H2AC17: variants seen among roughly 807,000 people sequenced by gnomAD.
The protein encoded by H2AC17 is H2A clustered histone 17, also known as histone H2A type 1.
H2AC17 carries 10 observed loss-of-function variants against 6.3 expected under a neutral mutation model. The observed-to-expected ratio is 1.58, with a 90% confidence interval of 0.97 to 2.68. The LOEUF (loss-of-function observed/expected upper bound fraction) is 2.68. Among genes scored for constraint, H2AC17 ranks in the 30% most tolerant of loss-of-function variants. H2AC17 has a pLI of 0.00. For synonymous variants in H2AC17, 138 were observed against 78.3 expected, an observed-to-expected ratio of 1.76 and a Z score of -4.02; for missense variants, 207 against 176.0, an observed-to-expected ratio of 1.18 and a Z score of -1.00.
Position 27,893,168 on chromosome 6 carries a change from C to G in H2AC17, c.-19G>C. ...CAGACATGGTAAAACGACCTGTGGC[C>G]TAAGTCAGAAAGTGAGTGAAAGGAA... is the stretch of plus-strand genomic sequence containing the variant. On this transcript the variant is annotated 5_prime_UTR_variant, in exon 1 of 1. Transcript: ENST00000359611. 2 of 1,559,334 alleles carry G rather than the reference C, an allele frequency of 1.3e-6. No homozygotes were observed. Among genetic ancestry groups the G allele is most frequent in the Non-Finnish European group, 1.7e-6 (2 of 1,156,306 alleles).
Position 27,893,179 on chromosome 6 carries a change from A to G in H2AC17, c.-30T>C. 1 of 1,543,774 alleles carries G rather than the reference A, an allele frequency of 6.5e-7. No individual in the cohort carries two copies. Among genetic ancestry groups the G allele is most frequent in the Non-Finnish European group, 8.7e-7 (1 of 1,149,534 alleles). On this transcript the variant is annotated 5_prime_UTR_variant, in exon 1 of 1. Coordinates refer to ENST00000359611, the MANE Select transcript of H2AC17 (RefSeq NM_003514.2). ...AAACGACCTGTGGCCTAAGTCAGAA[A>G]GTGAGTGAAAGGAACCTACAGGGAC...
chr6:27,892,763 G>A lies in H2AC17; in HGVS notation c.387C>T (p.Gly129=). The change falls in exon 1 of 1, where the codon GGC becomes GGT. Residue 129 remains glycine (G), a synonymous_variant. Coordinates refer to ENST00000359611, the MANE Select transcript of H2AC17 (RefSeq NM_003514.2). The part of the protein sequence containing the change: ...KKTESHHKAK[G]K ...CATTTTTAAAGTTCAGCCCTTACTT[G>A]CCCTTAGCTTTGTGGTGGCTCTCAG... The A allele has an allele frequency of 6.2e-7, 1 of 1,613,860 alleles. No individual in the cohort carries two copies. Among genetic ancestry groups the A allele is most frequent in the Non-Finnish European group, 8.5e-7 (1 of 1,180,036 alleles).
In H2AC17 at chr6:27,892,846, T is replaced by C; in HGVS notation, c.304A>G (p.Thr102Ala). The change falls in exon 1 of 1, where the codon ACC (threonine) becomes GCC (alanine). Residue 102 changes from threonine to alanine, a missense_variant. Thr to Ala is a moderately conservative substitution (Grantham distance 58). This residue lies in a region of H2AC17 where 53 missense variants were observed against 47.3 expected (regional missense o/e 1.12). Transcript: ENST00000359611. Reference protein sequence around the residue: ...EELNKLLGKVTIAQGGVLPNI... With the variant: ...EELNKLLGKVAIAQGGVLPNI... ...GGCAGAACACCGCCCTGAGCGATGG[T>C]AACTTTACCAAGCAGCTTGTTGAGC... 1.2e-6 allele frequency: 2 copies of C among 1,614,216 alleles called. No individual in the cohort carries two copies. Among genetic ancestry groups the C allele is most frequent in the Admixed American group, 1.7e-5 (1 of 60,020 alleles).
chr6:27,893,080 G>T lies in H2AC17; in HGVS notation c.70C>A (p.Leu24Ile). 6.2e-7 allele frequency: 1 copy of T among 1,613,816 alleles called. No homozygotes were observed. Among genetic ancestry groups the T allele is most frequent in the Non-Finnish European group, 8.5e-7 (1 of 1,179,808 alleles). ...TGCACTCGTCCTACAGGAAATTGGA[G>T]CCCAGCTCTAGAGGAGCGGGTTTTG... ...KAKTRSSRAGLQFPVGRVHRL... is the reference protein window; with the variant it reads ...KAKTRSSRAGIQFPVGRVHRL... Residue 24 changes from leucine to isoleucine, a missense_variant, in exon 1 of 1, where the codon CTC becomes ATC. By Grantham distance (5) the Leu-to-Ile change is conservative. This residue lies in a region of H2AC17 where 148 missense variants were observed against 106.0 expected (regional missense o/e 1.40). Transcript: ENST00000359611.
Position 27,892,964 on chromosome 6 carries a change from C to T in H2AC17, c.186G>A (p.Glu62=), listed in dbSNP as rs146088462. The change falls in exon 1 of 1, where the codon GAG becomes GAA. Residue 62 remains glutamate (E), a synonymous_variant. Transcript: ENST00000359611. ...LAAVLEYLTA[E]ILELAGNAAR... ...CTGCGTTGCCCGCCAGCTCCAGGAT[C>T]TCGGCAGTTAGGTACTCCAGCACCG... The T allele has an allele frequency of 1.2e-5, 20 of 1,614,104 alleles. No individual in the cohort carries two copies. Among genetic ancestry groups the T allele is most frequent in the Non-Finnish European group, 1.4e-5 (17 of 1,180,054 alleles).
chr6:27,893,137 C>A lies in H2AC17; in HGVS notation c.13G>T (p.Gly5Cys), dbSNP rs757532231. Residue 5 changes from glycine to cysteine, a missense_variant, in exon 1 of 1, where the codon GGC becomes TGC. By Grantham distance (159) the Gly-to-Cys change is radical. Transcript: ENST00000359611. MSGR[G>C]KQGGKARAKA... ...GCGCGAGCCTTGCCGCCCTGCTTGC[C>A]ACGTCCAGACATGGTAAAACGACCT... The A allele has an allele frequency of 6.3e-7, 1 of 1,591,600 alleles. No homozygotes were observed. The highest frequency in any genetic ancestry group is 8.6e-7 in the Non-Finnish European group (1 of 1,169,516).
At position 27,892,922 on chromosome 6, in the gene H2AC17, CTT is replaced by C. The variant is rs774888372; in HGVS notation, c.226_227del (p.Lys76AspfsTer24). ...LAGNAARDNK[K>X]TRIIPRHLQL... Reference sequence around the variant, plus strand: ...GCAAGTGGCGCGGGATGATGCGGGTCTTTTTGTTGTCGCGGGCTGCGTTGCCC... The same window carrying C: ...GCAAGTGGCGCGGGATGATGCGGGTCTTTGTTGTCGCGGGCTGCGTTGCCC... On this transcript the variant is annotated frameshift_variant, in exon 1 of 1. Transcript: ENST00000359611. LOFTEE classifies it high-confidence loss of function. 6.2e-6 allele frequency: 10 copies of C among 1,614,074 alleles called. No individual in the cohort carries two copies.
In H2AC17 at chr6:27,892,981, C is replaced by A; in HGVS notation, c.169G>T (p.Glu57Ter). The A allele has an allele frequency of 1.9e-6, 3 of 1,614,186 alleles. No homozygotes were observed. The highest frequency in any genetic ancestry group is 2.5e-6 in the Non-Finnish European group (3 of 1,180,032). Residue 57 changes from glutamate to a stop codon, truncating the protein, a stop_gained, in exon 1 of 1, where the codon GAG becomes TAG. Transcript: ENST00000359611. LOFTEE classifies it high-confidence loss of function. ...TCCAGGATCTCGGCAGTTAGGTACT[C>A]CAGCACCGCCGCCAGGTAAACCGGC... is the stretch of plus-strand genomic sequence containing the variant. ...GAPVYLAAVL[E>*]YLTAEILELA...
In H2AC17 at chr6:27,892,706, C is replaced by T. The variant is rs779944892; in HGVS notation, c.*51G>A. On this transcript the variant is annotated 3_prime_UTR_variant, in exon 1 of 1. Transcript: ENST00000359611. ...GTTCTTCCGTAGAAATGGTGGGTGGCTCTGAAAAGAGCCTTTTGTCTTGTA... is the reference window on the plus strand; with the variant it reads ...GTTCTTCCGTAGAAATGGTGGGTGGTTCTGAAAAGAGCCTTTTGTCTTGTA... 30 of 1,600,372 alleles carry T rather than the reference C, an allele frequency of 1.9e-5. No homozygotes were observed. The highest frequency in any genetic ancestry group is 1.8e-5 in the Non-Finnish European group (21 of 1,174,228).
In H2AC17 at chr6:27,893,091, G is replaced by C. The variant is rs150057789; in HGVS notation, c.59C>G (p.Ser20Cys). 184 of 1,612,918 alleles carry C rather than the reference G, an allele frequency of 1.1e-4. No individual in the cohort carries two copies. Among genetic ancestry groups the C allele is most frequent in the Non-Finnish European group, 1.5e-4 (172 of 1,179,356 alleles). The change falls in exon 1 of 1, where the codon TCT (serine) becomes TGT (cysteine). Residue 20 changes from serine to cysteine, a missense_variant. This residue lies in a region of H2AC17 where 148 missense variants were observed against 106.0 expected (regional missense o/e 1.40). Transcript: ENST00000359611. Reference sequence around the variant, plus strand: ...TACAGGAAATTGGAGCCCAGCTCTAGAGGAGCGGGTTTTGGCCTTGGCGCG... The same window carrying C: ...TACAGGAAATTGGAGCCCAGCTCTACAGGAGCGGGTTTTGGCCTTGGCGCG... ...KARAKAKTRSSRAGLQFPVGR... is the reference protein window; with the variant it reads ...KARAKAKTRSCRAGLQFPVGR...
chr6:27,893,140 G>A lies in H2AC17; in HGVS notation c.10C>T (p.Arg4Cys), dbSNP rs964213291. Residue 4 changes from arginine to cysteine, a missense_variant, in exon 1 of 1, where the codon CGT (arginine) becomes TGT (cysteine). Arg to Cys is a radical substitution (Grantham distance 180, BLOSUM62 -3). Coordinates refer to ENST00000359611, the MANE Select transcript of H2AC17 (RefSeq NM_003514.2). MSG[R>C]GKQGGKARAK... ...CGAGCCTTGCCGCCCTGCTTGCCAC[G>A]TCCAGACATGGTAAAACGACCTGTG... 5.0e-6 allele frequency: 8 copies of A among 1,590,446 alleles called. No homozygotes were observed. Among genetic ancestry groups the A allele is most frequent in the African/African-American group, 1.4e-5 (1 of 73,896 alleles).
rs776355961 is a variant in H2AC17, at chr6:27,893,160, C to T, written c.-11G>A. On this transcript the variant is annotated 5_prime_UTR_variant, in exon 1 of 1. Coordinates refer to ENST00000359611, the MANE Select transcript of H2AC17 (RefSeq NM_003514.2). ...GCCACGTCCAGACATGGTAAAACGA[C>T]CTGTGGCCTAAGTCAGAAAGTGAGT... is the stretch of plus-strand genomic sequence containing the variant. 4 of 1,568,466 alleles carry T rather than the reference C, an allele frequency of 2.6e-6. No homozygotes were observed. The highest frequency in any genetic ancestry group is 1.4e-5 in the African/African-American group (1 of 73,262).
At position 27,892,796 on chromosome 6, in the gene H2AC17, G is replaced by C. The variant is rs958803494; in HGVS notation, c.354C>G (p.Pro118=). 2.5e-6 allele frequency: 4 copies of C among 1,614,194 alleles called. No individual in the cohort carries two copies. The highest frequency in any genetic ancestry group is 3.4e-6 in the Non-Finnish European group (4 of 1,180,032). ...VLPNIQAVLL[P]KKTESHHKAK... is the part of the protein sequence containing the mutation. ...CTTTGTGGTGGCTCTCAGTCTTCTT[G>C]GGGAGCAGTACGGCCTGGATGTTAG... Residue 118 remains proline (P), a synonymous_variant, in exon 1 of 1, where the codon CCC becomes CCG. Transcript: ENST00000359611.
In H2AC17 at chr6:27,892,992, G is replaced by T; in HGVS notation, c.158C>A (p.Ala53Glu). 1.2e-6 allele frequency: 2 copies of T among 1,614,108 alleles called. No homozygotes were observed. The highest frequency in any genetic ancestry group is 1.7e-6 in the Non-Finnish European group (2 of 1,180,024). Residue 53 changes from alanine to glutamate, a missense_variant, in exon 1 of 1, where the codon GCG (alanine) becomes GAG (glutamate). This residue lies in a region of H2AC17 where 148 missense variants were observed against 106.0 expected (regional missense o/e 1.40). Transcript: ENST00000359611. ...RVGAGAPVYLAAVLEYLTAEI... is the reference protein window; with the variant it reads ...RVGAGAPVYLEAVLEYLTAEI... ...GGCAGTTAGGTACTCCAGCACCGCC[G>T]CCAGGTAAACCGGCGCGCCGGCCCC...
In H2AC17 at chr6:27,892,712, A is replaced by T; in HGVS notation, c.*45T>A. ...CCGTAGAAATGGTGGGTGGCTCTGA[A>T]AAGAGCCTTTTGTCTTGTAAGTTTA... is the stretch of plus-strand genomic sequence containing the variant. On this transcript the variant is annotated 3_prime_UTR_variant, in exon 1 of 1. Coordinates refer to ENST00000359611, the MANE Select transcript of H2AC17 (RefSeq NM_003514.2). 6.2e-7 allele frequency: 1 copy of T among 1,604,212 alleles called. No individual in the cohort carries two copies. The highest frequency in any genetic ancestry group is 1.1e-5 in the South Asian group (1 of 89,132).
In H2AC17 at chr6:27,892,986, A is replaced by G. The variant is rs1328311344; in HGVS notation, c.164T>C (p.Val55Ala). The G allele has an allele frequency of 6.2e-7, 1 of 1,613,940 alleles. No individual in the cohort carries two copies. The highest frequency in any genetic ancestry group is 1.7e-5 in the Admixed American group (1 of 59,996). Residue 55 changes from valine to alanine, a missense_variant, in exon 1 of 1, where the codon GTG becomes GCG. Physicochemically the swap from Val to Ala is moderately conservative, Grantham distance 64 (BLOSUM62 0). Coordinates refer to ENST00000359611, the MANE Select transcript of H2AC17 (RefSeq NM_003514.2). ...GATCTCGGCAGTTAGGTACTCCAGC[A>G]CCGCCGCCAGGTAAACCGGCGCGCC... ...GAGAPVYLAA[V>A]LEYLTAEILE...
chr6:27,893,154 A>T lies in H2AC17; in HGVS notation c.-5T>A. 1 of 1,576,780 alleles carries T rather than the reference A, an allele frequency of 6.3e-7. No individual in the cohort carries two copies. On this transcript the variant is annotated 5_prime_UTR_variant, in exon 1 of 1. Coordinates refer to ENST00000359611, the MANE Select transcript of H2AC17 (RefSeq NM_003514.2). ...CTGCTTGCCACGTCCAGACATGGTA[A>T]AACGACCTGTGGCCTAAGTCAGAAA...
At position 27,893,114 on chromosome 6, in the gene H2AC17, G is replaced by C; in HGVS notation, c.36C>G (p.Arg12=). Residue 12 remains arginine, a synonymous_variant, in exon 1 of 1, where the codon CGC becomes CGG. Transcript: ENST00000359611. Reference sequence around the variant, plus strand: ...TAGAGGAGCGGGTTTTGGCCTTGGCGCGAGCCTTGCCGCCCTGCTTGCCAC... The same window carrying C: ...TAGAGGAGCGGGTTTTGGCCTTGGCCCGAGCCTTGCCGCCCTGCTTGCCAC... ...SGRGKQGGKA[R]AKAKTRSSRA... 1 of 1,607,528 alleles carries C rather than the reference G, an allele frequency of 6.2e-7. No individual in the cohort carries two copies. The highest frequency in any genetic ancestry group is 2.2e-5 in the East Asian group (1 of 44,814).
chr6:27,893,024 C>G lies in H2AC17; in HGVS notation c.126G>C (p.Glu42Asp). ...HRLLRKGNYA[E>D]RVGAGAPVYL... The stretch of plus-strand genomic sequence containing the variant: ...AAACCGGCGCGCCGGCCCCGACCCG[C>G]TCAGCGTAGTTGCCCTTGCGGAGCA... Residue 42 changes from glutamate (E) to aspartate (D), a missense_variant, in exon 1 of 1, where the codon GAG (glutamate) becomes GAC (aspartate). Glu to Asp is a conservative substitution (Grantham distance 45). Transcript: ENST00000359611. 1 of 1,614,070 alleles carries G rather than the reference C, an allele frequency of 6.2e-7. No individual in the cohort carries two copies. The highest frequency in any genetic ancestry group is 8.5e-7 in the Non-Finnish European group (1 of 1,180,008).
Sources: allele counts gnomAD v4.1 joint callset, GRCh38; gene constraint gnomAD v4.1.1; regional missense constraint gnomAD v4.1.1; transcripts MANE v1.5; gene names NCBI Gene and HGNC (gene_info 2026-07-23, HGNC 2026-07-21).